Variants in MECOM observed in about 807,000 individuals in gnomAD.
MECOM encodes the protein histone-lysine N-methyltransferase MECOM.
MECOM carries 13 observed loss-of-function variants against 116.3 expected under a neutral mutation model. The observed-to-expected ratio is 0.11, with a 90% CI of 0.07 to 0.18. The LOEUF (loss-of-function observed/expected upper bound fraction) is 0.18. Among genes scored for constraint, MECOM ranks in the 10% least tolerant of loss-of-function variants. The pLI, the probability that MECOM is intolerant of heterozygous loss-of-function variation, is 1.00. For missense variants in MECOM, 1,299 were observed against 1,509.0 expected (o/e 0.86, Z 2.31); for synonymous variants, 528 against 535.2 (o/e 0.99, Z 0.19).
chr3:169,301,466 T>C (rs563609604), intron 2 of MECOM, among the ~76,000 whole-genome samples: 11 of 152,330 alleles, frequency 7.2e-5, no homozygotes, highest in African/African-American at 2.6e-4. Context: ...GCTTTTCACT[T>C]AGAATCAACA....
In MECOM at chr3:169,257,385, C is replaced by T. The variant is rs180895971; in HGVS notation, c.376-113553G>A. On this transcript the variant is annotated intron_variant, in intron 2 of 16. Transcript: ENST00000651503. ...TCTTCCAGAAAACATTAAGCATATC[C>T]TTCTCCTCTGCCAGGATAATTTTGA... 5.4e-4 allele frequency among the ~76,000 whole-genome samples: 82 copies of T among 152,268 alleles called. 2 individuals carry two copies. The highest frequency in any genetic ancestry group is 4.6e-3 in the Admixed American group (71 of 15,296).
intron 1 of MECOM, among the ~76,000 whole-genome samples, chr3:169,451,289 G>A (rs552462292): frequency 1.1e-4 from 16 of 150,634 alleles, no homozygotes; most frequent in South Asian, 4.2e-4. Flanking sequence ...TCACAAGTGC[G>A]CAGCATCTTA....
intron 2 of MECOM, chr3:169,147,823 G>T (rs1282317010): frequency 2.5e-6 from 2 of 789,592 alleles, no homozygotes; most frequent in Non-Finnish European, 1.5e-6. Context: ...GTGCTTTCAG[G>T]GGTGTGAGGG....
chr3:169,507,102 T>C (rs1755330294), intron 1 of MECOM, among the ~76,000 whole-genome samples: 1 of 152,214 alleles, frequency 6.6e-6, no homozygotes, highest in Admixed American at 6.5e-5. Context: ...GCCAGTGATA[T>C]AGACTGTTGG....
At chr3:169,086,266 G>A (rs1717700981) in intron 16 of MECOM, among the ~76,000 whole-genome samples, 1 of 152,142 alleles carries the variant, frequency 6.6e-6, no homozygotes, top group Non-Finnish European at 1.5e-5. Flanking sequence ...CAGGCTCTGT[G>A]ATAGATCCTA....
intron 2 of MECOM, among the ~76,000 whole-genome samples, chr3:169,183,761 T>TACACACACAC (rs71166249): frequency 2.5e-5 from 3 of 118,734 alleles, no homozygotes; most frequent in Admixed American, 8.6e-5. Flanking sequence ...GATACATACA[T>TACACACACAC]ACACACACAC....
intron 1 of MECOM, among the ~76,000 whole-genome samples, chr3:169,539,128 C>T (rs1340965397): frequency 3.3e-5 from 5 of 151,826 alleles, no homozygotes; most frequent in African/African-American, 1.2e-4. Flanking sequence ...TAGAATAGCT[C>T]GTTGTTCTTT....
intron 1 of MECOM, among the ~76,000 whole-genome samples, chr3:169,410,723 T>G (rs137913168): frequency 2.0e-5 from 3 of 152,136 alleles, no homozygotes; most frequent in African/African-American, 7.2e-5. Flanking sequence ...GTCGTGCCCA[T>G]TGACGCCTAT....
chr3:169,131,437 T>C lies in MECOM; in HGVS notation c.605A>G (p.Asp202Gly). The C allele has an allele frequency of 1.2e-6, 2 of 1,613,962 alleles. No homozygotes were observed. The highest frequency in any genetic ancestry group is 1.7e-6 in the Non-Finnish European group (2 of 1,179,920). The change falls in exon 4 of 17, where the codon GAT (aspartate) becomes GGT (glycine). Residue 202 changes from aspartate (D) to glycine (G), a missense_variant. Asp to Gly is a moderately conservative substitution (Grantham distance 94). This residue lies in a region of MECOM where 374 missense variants were observed against 433.4 expected (regional missense o/e 0.86). Transcript: ENST00000651503. ...GCGTGAGTGGTACTAACCGTGGATATCCGGCGCCATAGTTTCATGGGGATA... is the reference window on the plus strand; with the variant it reads ...GCGTGAGTGGTACTAACCGTGGATACCCGGCGCCATAGTTTCATGGGGATA... Reference protein sequence around the residue: ...EDYPHETMAPDIHEERQYRCE... With the variant: ...EDYPHETMAPGIHEERQYRCE...
chr3:169,501,881 G>C (rs1172334770), intron 1 of MECOM, among the ~76,000 whole-genome samples: 3 of 152,018 alleles, frequency 2.0e-5, no homozygotes, highest in Non-Finnish European at 4.4e-5. Flanking sequence ...TGCAGAAGTA[G>C]CTACACAACA....
At chr3:169,634,538 A>G (rs73174397) in intron 1 of MECOM, among the ~76,000 whole-genome samples, 9,430 of 152,246 alleles carry the variant, frequency 0.062, 384 homozygotes, top group Non-Finnish European at 0.071. Flanking sequence ...GGCAAATAGC[A>G]GAGGGCAGAA....
rs779741815 is a variant in MECOM, at chr3:169,611,924, C to T, written c.37+51412G>A. ...CTAGAACACGGTTTCTAAATCTCAA[C>T]GCTATTGACATTTTGAGCCAGATAA... On this transcript the variant is annotated intron_variant, in intron 1 of 16. Transcript: ENST00000651503. The surrounding 1 kb of genome is among the most constrained non-coding windows in gnomAD (Gnocchi z 4.1). 2.8e-4 allele frequency among the ~76,000 whole-genome samples: 43 copies of T among 152,154 alleles called. No homozygotes were observed. The highest frequency in any genetic ancestry group is 2.0e-4 in the Admixed American group (3 of 15,278).
chr3:169,394,545 G>A (rs1258890912), intron 1 of MECOM, among the ~76,000 whole-genome samples: 2 of 152,262 alleles, frequency 1.3e-5, no homozygotes, highest in African/African-American at 2.4e-5. Flanking sequence ...GCCTTGGAGA[G>A]GTAATGACTT....
chr3:169,336,636 G>A (rs1008361883), intron 2 of MECOM, among the ~76,000 whole-genome samples: 7 of 151,928 alleles, frequency 4.6e-5, no homozygotes, highest in African/African-American at 1.2e-4. Context: ...AGCCATTTCC[G>A]TTTATTGCTA....
At chr3:169,155,973 A>G (rs916736360) in intron 2 of MECOM, among the ~76,000 whole-genome samples, 2 of 152,136 alleles carry the variant, frequency 1.3e-5, no homozygotes, top group African/African-American at 4.8e-5. Context: ...AAAAGCATTC[A>G]CTAATTAGTC....
At chr3:169,396,919 G>A (rs762333482) in intron 1 of MECOM, among the ~76,000 whole-genome samples, 3 of 152,134 alleles carry the variant, frequency 2.0e-5, no homozygotes, top group Non-Finnish European at 4.4e-5. Flanking sequence ...GTTGCAGTGA[G>A]CAGAGATCAA....
At chr3:169,119,695 G>A (rs1298494861) in intron 7 of MECOM, among the ~76,000 whole-genome samples, 4 of 151,848 alleles carry the variant, frequency 2.6e-5, no homozygotes, top group East Asian at 1.9e-4. Flanking sequence ...ATTTAATATC[G>A]TATGCCTGTA....
chr3:169,475,714 T>G (rs969214228), intron 1 of MECOM, among the ~76,000 whole-genome samples: 1 of 152,058 alleles, frequency 6.6e-6, no homozygotes, highest in Non-Finnish European at 1.5e-5. Flanking sequence ...CTTTCCATAG[T>G]CTTTGTAAAG....
chr3:169,461,310 G>A (rs1747400893), intron 1 of MECOM, among the ~76,000 whole-genome samples: 1 of 152,082 alleles, frequency 6.6e-6, no homozygotes. Context: ...AGAAACCATG[G>A]TGCAGATGGA....
Sources: gnomAD v4.1 joint callset for allele counts (sites outside exome capture counted in the v4.1 genomes callset) on GRCh38, gnomAD v4.1.1 for gene constraint, gnomAD v4.1.1 regional missense constraint, Gnocchi (gnomAD v3.1) non-coding constraint, MANE v1.5 for transcripts, NCBI Gene and HGNC (gene_info 2026-07-23, HGNC 2026-07-21) for gene names.